The following SCG3 variants were observed in gnomAD, a reference collection of about 807,000 sequenced individuals.
SCG3 encodes the protein secretogranin III, also known as secretogranin-3.
Under a neutral mutation model 56.2 loss-of-function variants are expected in SCG3, and 38 were observed. The ratio of observed to expected loss-of-function variants is 0.68; its 90% CI spans 0.52 to 0.89. SCG3 has a LOEUF of 0.89. Ranked by LOEUF, SCG3 falls within the 40% of genes least tolerant of loss-of-function variation. SCG3 has a pLI of 0.00. For missense variants in SCG3, 524 were observed against 540.7 expected (o/e 0.97, Z 0.31); for synonymous variants, 176 against 184.2 (o/e 0.96, Z 0.36).
At chr15:51,707,561 C>T (rs184576436) in intron 10 of SCG3, among the ~76,000 whole-genome samples, 78 of 152,316 alleles carry the variant, frequency 5.1e-4, no homozygotes, top group Non-Finnish European at 8.1e-4. Context: ...AATCATGAAT[C>T]TCCTTTTTAG....
At chr15:51,684,797 A>G (rs1271659922) in intron 4 of SCG3, among the ~76,000 whole-genome samples, 2 of 152,236 alleles carry the variant, frequency 1.3e-5, no homozygotes, top group Non-Finnish European at 2.9e-5. Flanking sequence ...TGAAAACTTC[A>G]TAAGAATAGA....
At position 51,683,130 on chromosome 15, in the gene SCG3, A is replaced by C; in HGVS notation, c.181+6A>C. 2 of 1,607,302 alleles carry C rather than the reference A, an allele frequency of 1.2e-6. No homozygotes were observed. Among genetic ancestry groups the C allele is most frequent in the Non-Finnish European group, 1.7e-6 (2 of 1,176,360 alleles). The stretch of plus-strand genomic sequence containing the variant: ...TAAAAAAACATATCCTCCAGGTAAA[A>C]AGAAATCATATTGATGTTAATTTAA... On this transcript the variant is annotated splice_donor_region_variant and intron_variant, in intron 3 of 11. Transcript: ENST00000220478.
chr15:51,696,227 T>A (rs1410192488), intron 8 of SCG3, among the ~76,000 whole-genome samples: 1 of 152,224 alleles, frequency 6.6e-6, no homozygotes, highest in Non-Finnish European at 1.5e-5. Context: ...TAGCATTTTC[T>A]AATAATCTTA....
chr15:51,694,131 A>AT (rs530649221), intron 7 of SCG3, among the ~76,000 whole-genome samples: 2 of 151,052 alleles, frequency 1.3e-5, no homozygotes, highest in African/African-American at 2.4e-5. Flanking sequence ...TATTGTCTTT[A>AT]TTTTTCCATA....
chr15:51,688,553 CT>C (rs1567216605), intron 5 of SCG3, 151 bp downstream of exon 5: 5 of 628,522 alleles, frequency 8.0e-6, no homozygotes, highest in East Asian at 2.9e-5. Flanking sequence ...AAGCACCATT[CT>C]TTTTTTTCTA....
intron 10 of SCG3, among the ~76,000 whole-genome samples, chr15:51,707,730 T>C (rs1265268856): frequency 6.6e-6 from 1 of 152,234 alleles, no homozygotes; most frequent in Non-Finnish European, 1.5e-5. Context: ...CTAATGGGCA[T>C]GTAAAATGTC....
intron 8 of SCG3, among the ~76,000 whole-genome samples, 196 bp from the exon 9 acceptor site, chr15:51,699,123 T>C (rs1330636406): frequency 6.6e-6 from 1 of 152,208 alleles, no homozygotes; most frequent in African/African-American, 2.4e-5. Flanking sequence ...AACTTGAGGA[T>C]CTCAAACTAT....
intron 4 of SCG3, among the ~76,000 whole-genome samples, chr15:51,685,384 T>G (rs1188217393): frequency 6.6e-6 from 1 of 152,238 alleles, no homozygotes; most frequent in African/African-American, 2.4e-5. Context: ...GACATAGATC[T>G]GTTTTTGATC....
At chr15:51,716,913 C>T (rs2055460197) in intron 11 of SCG3, among the ~76,000 whole-genome samples, 1 of 152,224 alleles carries the variant, frequency 6.6e-6, no homozygotes, top group Non-Finnish European at 1.5e-5. Context: ...TCCACAGCCT[C>T]CTCTTAGGGT....
rs774789007 is a variant in SCG3 at position 51,689,327 on chromosome 15, A to G, written c.649A>G (p.Ser217Gly). Residue 217 changes from serine (S) to glycine (G), a missense_variant, in exon 6 of 12, where the codon AGC becomes GGC. Transcript: ENST00000220478. ...NYEEDPNKPT[S>G]WTENQAGKIP... ...TGAGGAGGATCCCAATAAGCCCACA[A>G]GCTGGACTGAGAATCAGGCTGGAAA... The G allele has an allele frequency of 4.3e-6, 7 of 1,613,962 alleles. No homozygotes were observed. The highest frequency in any genetic ancestry group is 1.7e-5 in the Admixed American group (1 of 59,962).
chr15:51,682,241 C>A (rs2055199451), intron 1 of SCG3, among the ~76,000 whole-genome samples: 1 of 151,260 alleles, frequency 6.6e-6, no homozygotes, highest in Non-Finnish European at 1.5e-5. Flanking sequence ...AGCTGATAAC[C>A]CTAGTGTTAG....
intron 10 of SCG3, among the ~76,000 whole-genome samples, chr15:51,708,790 C>A (rs930057412): frequency 6.6e-6 from 1 of 151,684 alleles, no homozygotes; most frequent in Non-Finnish European, 1.5e-5. Context: ...ATCCGGGAGG[C>A]GGAGTTTGCG....
chr15:51,710,045 GT>G (rs2055410832), intron 10 of SCG3, among the ~76,000 whole-genome samples: 1 of 151,496 alleles, frequency 6.6e-6, no homozygotes. Context: ...CGGCTTGTAA[GT>G]TTTTTTAAGA....
intron 11 of SCG3, among the ~76,000 whole-genome samples, chr15:51,718,758 CAGAGGAACCAAAA>C (rs1027594963): frequency 2.6e-5 from 4 of 151,480 alleles, no homozygotes; most frequent in Non-Finnish European, 5.9e-5. Flanking sequence ...TTAAGGAGGA[CAGAGGAACCAAAA>C]AGAGTTTACA....
chr15:51,707,199 G>A (rs1401106106), intron 10 of SCG3, among the ~76,000 whole-genome samples: 6 of 151,858 alleles, frequency 4.0e-5, no homozygotes, highest in Non-Finnish European at 8.8e-5. Context: ...TTAAGTTTAC[G>A]GCTGGATAAT....
At chr15:51,701,673 C>A (rs1033468637) in intron 10 of SCG3, among the ~76,000 whole-genome samples, 2 of 152,168 alleles carry the variant, frequency 1.3e-5, no homozygotes, top group African/African-American at 4.8e-5. Flanking sequence ...CCTGCAGTCC[C>A]AGCAGTTTGG....
chr15:51,708,623 A>T (rs1182414096), intron 10 of SCG3, among the ~76,000 whole-genome samples: 2 of 152,296 alleles, frequency 1.3e-5, no homozygotes, highest in East Asian at 3.9e-4. Context: ...TGGGTGGCCG[A>T]GGAGGGCAGA....
intron 2 of SCG3, 99 bp downstream of exon 2, chr15:51,682,668 A>C (rs1430609293): frequency 4.1e-6 from 3 of 736,246 alleles, no homozygotes; most frequent in Non-Finnish European, 4.4e-6. Flanking sequence ...TTGAATTTAC[A>C]AACATCAGGA....
rs566547765 is a variant in SCG3 at position 51,696,007 on chromosome 15, T to C, written c.985+16T>C. 281 of 1,421,118 alleles carry C rather than the reference T, an allele frequency of 2.0e-4. No homozygotes were observed. Among genetic ancestry groups the C allele is most frequent in the Admixed American group, 4.4e-4 (26 of 58,808 alleles). The allele number at this position is 1,421,118 out of a possible 1,614,324, so 88.0% of individuals were successfully genotyped here. A position where few individuals can be genotyped will look rare whatever the true frequency, so the allele number is the denominator to read the frequency against. On this transcript the variant is annotated intron_variant, in intron 8 of 11. Transcript: ENST00000220478. Reference sequence around the variant, plus strand: ...TCCTACCTTGGTGAGATTCTATGTGTTTTGTTTCTACTGTGGTGGTTTTCA... The same window carrying C: ...TCCTACCTTGGTGAGATTCTATGTGCTTTGTTTCTACTGTGGTGGTTTTCA...
Sources: allele counts gnomAD v4.1 joint callset (sites outside exome capture counted in the v4.1 genomes callset), GRCh38; gene constraint gnomAD v4.1.1; transcripts MANE v1.5; gene names NCBI Gene and HGNC (gene_info 2026-07-23, HGNC 2026-07-21).